The following CCDC7 variants were observed in gnomAD, a reference collection of about 807,000 sequenced individuals.
CCDC7 encodes coiled-coil domain containing 7, also known as coiled-coil domain-containing protein 7.
In CCDC7, 183 loss-of-function variants were observed where a neutral mutation model predicts 196.9. The observed-to-expected ratio is 0.93, with a 90% CI of 0.82 to 1.05. CCDC7 has a LOEUF of 1.05. Among genes scored for constraint, CCDC7 ranks in the 50% least tolerant of loss-of-function variants. The pLI is 0.00. For missense variants in CCDC7, 1,540 were observed against 1,482.2 expected, an observed-to-expected ratio of 1.04 and a Z score of -0.64; for synonymous variants, 525 against 484.6, an observed-to-expected ratio of 1.08 and a Z score of -1.10.
intron 18 of CCDC7, among the ~76,000 whole-genome samples, chr10:32,585,890 A>C (rs943383670): frequency 6.6e-6 from 1 of 152,146 alleles, no homozygotes; most frequent in Admixed American, 6.5e-5. Flanking sequence ...GTATATACCG[A>C]GTAATGGGAT....
rs935479970 is a variant in CCDC7, at chr10:32,649,885, A to G, written c.2015-14169A>G. Among the ~76,000 whole-genome samples, 58 of 152,298 alleles carry G rather than the reference A, an allele frequency of 3.8e-4. 1 individual carries two copies. The highest frequency in any genetic ancestry group is 1.0e-3 in the South Asian group (5 of 4,820). On this transcript the variant is annotated intron_variant, in intron 20 of 41. Transcript: ENST00000639629. ...AAGTTCAGTTTGGTTCTTCTTAAAA[A>G]GGGAATTTTGTTGTTCAGCTCTTTG...
intron 28 of CCDC7, among the ~76,000 whole-genome samples, chr10:32,742,480 G>A (rs910747626): frequency 3.3e-5 from 5 of 152,194 alleles, no homozygotes; most frequent in African/African-American, 9.6e-5. Flanking sequence ...AACATCTTTT[G>A]TGCTCTCCCT....
chr10:32,568,179 G>C (rs536236617), intron 15 of CCDC7, among the ~76,000 whole-genome samples: 1 of 151,714 alleles, frequency 6.6e-6, no homozygotes, highest in Non-Finnish European at 1.5e-5. Flanking sequence ...GCTAATTTTT[G>C]TATTTTTAGT....
chr10:32,743,049 T>C (rs779456046), intron 28 of CCDC7, among the ~76,000 whole-genome samples: 42 of 152,226 alleles, frequency 2.8e-4, no homozygotes, highest in Non-Finnish European at 4.9e-4. Context: ...AGTTAATGTA[T>C]CTATTTACCT....
At chr10:32,498,694 A>C (rs2043306638) in intron 9 of CCDC7, among the ~76,000 whole-genome samples, 2 of 152,142 alleles carry the variant, frequency 1.3e-5, no homozygotes, top group African/African-American at 4.8e-5. Flanking sequence ...TTTCTTTAAG[A>C]ATGTTGAATA....
intron 29 of CCDC7, among the ~76,000 whole-genome samples, chr10:32,785,682 CA>C (rs1266689674): frequency 6.6e-6 from 1 of 151,936 alleles, no homozygotes; most frequent in Non-Finnish European, 1.5e-5. Flanking sequence ...AAGACTTATG[CA>C]TGGAAATATA....
intron 32 of CCDC7, among the ~76,000 whole-genome samples, chr10:32,831,140 T>C (rs2092120161): frequency 6.6e-6 from 1 of 152,212 alleles, no homozygotes; most frequent in South Asian, 2.1e-4. Context: ...TTGTACAGCA[T>C]GTTACTGGAC....
At chr10:32,453,746 G>A (rs2033687275) in intron 2 of CCDC7, among the ~76,000 whole-genome samples, 1 of 152,214 alleles carries the variant, frequency 6.6e-6, no homozygotes. Flanking sequence ...TACAGAGCTG[G>A]TGGGAACACA....
chr10:32,646,267 CT>C (rs1357448965), intron 20 of CCDC7, among the ~76,000 whole-genome samples: 9 of 150,554 alleles, frequency 6.0e-5, no homozygotes, highest in Admixed American at 3.3e-4. Flanking sequence ...AATTAAAAAA[CT>C]TTCTTTTCTT....
intron 20 of CCDC7, among the ~76,000 whole-genome samples, chr10:32,645,384 G>A (rs915229784): frequency 4.6e-5 from 7 of 151,840 alleles, no homozygotes; most frequent in Admixed American, 1.3e-4. Flanking sequence ...ACTCGATCAT[G>A]GTAAATGATC....
chr10:32,625,761 C>G (rs1439942528), intron 18 of CCDC7, among the ~76,000 whole-genome samples: 2 of 152,142 alleles, frequency 1.3e-5, no homozygotes. Context: ...AGCCCCCATT[C>G]TGCTCTCTGC....
At chr10:32,746,653 C>T (rs1300317421) in intron 28 of CCDC7, among the ~76,000 whole-genome samples, 2 of 152,198 alleles carry the variant, frequency 1.3e-5, no homozygotes, top group Non-Finnish European at 2.9e-5. Flanking sequence ...AACACAGTCT[C>T]CAATGCCCAA....
chr10:32,633,252 T>C (rs1016309319), intron 18 of CCDC7, among the ~76,000 whole-genome samples: 6 of 152,154 alleles, frequency 3.9e-5, no homozygotes, highest in Non-Finnish European at 8.8e-5. Flanking sequence ...TACACACATG[T>C]TCTTATGTAC....
chr10:32,822,624 G>T (rs1271552652), intron 31 of CCDC7, among the ~76,000 whole-genome samples: 1 of 152,032 alleles, frequency 6.6e-6, no homozygotes, highest in Non-Finnish European at 1.5e-5. Flanking sequence ...TGGGGAAAGA[G>T]AATAAAGGTA....
In CCDC7 at chr10:32,687,034, A is replaced by T. The variant is rs568866822; in HGVS notation, c.2233+954A>T. Reference sequence around the variant, plus strand: ...AGGAATGCTGAAAAGGGCATTTGCTATGTCAATTGCTTTATACCTACTTCC... The same window carrying T: ...AGGAATGCTGAAAAGGGCATTTGCTTTGTCAATTGCTTTATACCTACTTCC... On this transcript the variant is annotated intron_variant, in intron 22 of 41. Transcript: ENST00000639629. Among the ~76,000 whole-genome samples the T allele has an allele frequency of 1.9e-3, 289 of 152,334 alleles. 1 individual carries two copies. Among genetic ancestry groups the T allele is most frequent in the Non-Finnish European group, 5.4e-4 (37 of 68,028 alleles).
chr10:32,804,948 CACA>C, intron 29 of CCDC7, 64 bp from the exon 31 acceptor site: 1 of 923,804 alleles, frequency 1.1e-6, no homozygotes, highest in South Asian at 1.4e-5. Context: ...CACACACACA[CACA>C]CCCCTCACAT....
rs571929510 is a variant in CCDC7, at chr10:32,776,689, T to G, written c.2906-2288T>G. On this transcript the variant is annotated intron_variant, in intron 28 of 41. Transcript: ENST00000639629. ...AATACTTCAAAAGTACTTAGTATAA[T>G]CGATGGCATATAGTAGCTATTTTGT... Among the ~76,000 whole-genome samples, 32 of 152,354 alleles carry G rather than the reference T, an allele frequency of 2.1e-4. 1 individual carries two copies. Among genetic ancestry groups the G allele is most frequent in the Admixed American group, 6.5e-4 (10 of 15,298 alleles).
intron 18 of CCDC7, among the ~76,000 whole-genome samples, chr10:32,622,021 CT>C (rs1311946546): frequency 6.6e-6 from 1 of 152,220 alleles, no homozygotes; most frequent in Non-Finnish European, 1.5e-5. Flanking sequence ...GCTTATCAAT[CT>C]CAGATCTCAC....
At chr10:32,706,365 C>A (rs186102909) in intron 24 of CCDC7, among the ~76,000 whole-genome samples, 1 of 151,996 alleles carries the variant, frequency 6.6e-6, no homozygotes, top group Non-Finnish European at 1.5e-5. Flanking sequence ...CAAGAGAAAG[C>A]AGGAAAGATC....
Sources: gnomAD v4.1 joint callset for allele counts (sites outside exome capture counted in the v4.1 genomes callset) on GRCh38, gnomAD v4.1.1 for gene constraint, MANE v1.5 for transcripts, NCBI Gene and HGNC (gene_info 2026-07-23, HGNC 2026-07-21) for gene names.